The following SCAPER variants were observed in gnomAD, a reference collection of about 807,000 sequenced individuals.
SCAPER encodes S-phase cyclin A associated protein in the ER.
Under a neutral mutation model 182.2 loss-of-function variants are expected in SCAPER, and 98 were observed. That is an observed-to-expected ratio of 0.54 (90% confidence interval 0.46 to 0.64). The LOEUF (loss-of-function observed/expected upper bound fraction) is 0.64, where lower values mean the gene tolerates loss of function less well. Ranked by LOEUF, SCAPER falls within the 30% of genes least tolerant of loss-of-function variation. The probability of loss-of-function intolerance (pLI) is 0.00; values close to 1 mark genes in which losing one functional copy is unlikely to be tolerated. For missense variants in SCAPER, 1,432 were observed against 1,690.0 expected (o/e 0.85, Z 2.68); for synonymous variants, 605 against 564.6 (o/e 1.07, Z -1.01).
intron 21 of SCAPER, among the ~76,000 whole-genome samples, chr15:76,640,241 T>C (rs1474418568): frequency 2.0e-5 from 3 of 152,160 alleles, no homozygotes; most frequent in Non-Finnish European, 4.4e-5. Flanking sequence ...CCAATCAAAT[T>C]AATGATCTGA....
chr15:76,507,202 G>A (rs373934187), intron 23 of SCAPER, among the ~76,000 whole-genome samples: 5 of 152,140 alleles, frequency 3.3e-5, no homozygotes, highest in Admixed American at 1.3e-4. Context: ...TATGACTGGC[G>A]TTCTTATAAG....
intron 27 of SCAPER, among the ~76,000 whole-genome samples, chr15:76,395,004 T>C (rs1025676696): frequency 2.1e-5 from 3 of 142,908 alleles, no homozygotes; most frequent in Non-Finnish European, 4.6e-5. Context: ...ACCCACCCAC[T>C]ACCCTTCCCA....
At chr15:76,592,152 T>C (rs893893646) in intron 22 of SCAPER, among the ~76,000 whole-genome samples, 2 of 151,948 alleles carry the variant, frequency 1.3e-5, no homozygotes, top group African/African-American at 2.4e-5. Flanking sequence ...ATAGGTAATA[T>C]ATAGGTTATA....
intron 21 of SCAPER, among the ~76,000 whole-genome samples, chr15:76,637,901 C>T (rs2146335262): frequency 6.6e-6 from 1 of 151,418 alleles, no homozygotes; most frequent in African/African-American, 2.4e-5. Flanking sequence ...AGTGTCTTTT[C>T]AATAACATAC....
intron 22 of SCAPER, among the ~76,000 whole-genome samples, chr15:76,582,146 T>C (rs753561851): frequency 1.3e-5 from 2 of 152,138 alleles, no homozygotes; most frequent in Non-Finnish European, 2.9e-5. Context: ...GGCATCCAAA[T>C]TGAAAAATAA....
chr15:76,475,412 C>CGCCT (rs2050550269), intron 24 of SCAPER, among the ~76,000 whole-genome samples: 1 of 151,876 alleles, frequency 6.6e-6, no homozygotes, highest in Non-Finnish European at 1.5e-5. Context: ...CTGCAACCTC[C>CGCCT]GCCTCTTGGG....
intron 22 of SCAPER, among the ~76,000 whole-genome samples, chr15:76,577,790 C>T (rs569169564): frequency 2.2e-4 from 33 of 151,936 alleles, no homozygotes; most frequent in Admixed American, 5.9e-4. Flanking sequence ...GTGGTGGCTA[C>T]GGGGAGAGAC....
intron 2 of SCAPER, among the ~76,000 whole-genome samples, chr15:76,871,733 G>A (rs2072748999): frequency 6.6e-6 from 1 of 151,792 alleles, no homozygotes; most frequent in Admixed American, 6.6e-5. Context: ...TGGGACTACA[G>A]GCACACGCCA....
intron 22 of SCAPER, among the ~76,000 whole-genome samples, chr15:76,596,062 C>A (rs576563491): frequency 3.3e-5 from 4 of 120,290 alleles, no homozygotes; most frequent in African/African-American, 1.0e-4. Flanking sequence ...GACCACTAGC[C>A]AGACTAATAA....
chr15:76,498,552 T>C (rs1342540505), intron 24 of SCAPER: 3 of 152,224 alleles, frequency 2.0e-5, no homozygotes, highest in African/African-American at 4.8e-5. Flanking sequence ...AAAGGGGTTA[T>C]CATAGCTCTG....
At chr15:76,857,937 T>C (rs1455111377) in intron 3 of SCAPER, 58 bp from the exon 4 acceptor site, 5 of 1,186,092 alleles carry the variant, frequency 4.2e-6, no homozygotes, top group Non-Finnish European at 4.8e-6. Context: ...TAGTATAAAA[T>C]TGAACTACAG....
At chr15:76,474,177 G>A (rs1265351527) in intron 24 of SCAPER, among the ~76,000 whole-genome samples, 1 of 152,084 alleles carries the variant, frequency 6.6e-6, no homozygotes, top group Non-Finnish European at 1.5e-5. Flanking sequence ...TGGGAAATGG[G>A]GTAGGCTCCT....
At chr15:76,403,008 G>A (rs1420111579) in intron 27 of SCAPER, among the ~76,000 whole-genome samples, 2 of 152,176 alleles carry the variant, frequency 1.3e-5, no homozygotes, top group Admixed American at 6.5e-5. Context: ...GCTTATATTT[G>A]TGATATTGAT....
At chr15:76,882,602 G>A (rs887114583) in intron 2 of SCAPER, among the ~76,000 whole-genome samples, 4 of 152,196 alleles carry the variant, frequency 2.6e-5, no homozygotes, top group African/African-American at 4.8e-5. Context: ...TAGAACTGAG[G>A]AAGAGTATGA....
intron 25 of SCAPER, among the ~76,000 whole-genome samples, chr15:76,460,458 G>T (rs1327073604): frequency 6.6e-6 from 1 of 152,032 alleles, no homozygotes; most frequent in Non-Finnish European, 1.5e-5. Context: ...GTTTTTTGGT[G>T]GAGTCTGGGT....
At chr15:76,813,996 C>G (rs768681568) in intron 5 of SCAPER, among the ~76,000 whole-genome samples, 1 of 151,998 alleles carries the variant, frequency 6.6e-6, no homozygotes, top group Non-Finnish European at 1.5e-5. Context: ...GGTGAAACCC[C>G]GTCTCTACTA....
chr15:76,757,761 C>A (rs1015061578), intron 14 of SCAPER, among the ~76,000 whole-genome samples: 3 of 152,156 alleles, frequency 2.0e-5, no homozygotes, highest in Non-Finnish European at 4.4e-5. Flanking sequence ...CACATCCTCC[C>A]CAATACTTGC....
chr15:76,590,031 T>C (rs2048988551), intron 22 of SCAPER, among the ~76,000 whole-genome samples: 1 of 152,220 alleles, frequency 6.6e-6, no homozygotes, highest in Non-Finnish European at 1.5e-5. Context: ...GTATTTGGAC[T>C]GTCTCCCAGT....
chr15:76,607,578 G>C (rs1440630413), intron 22 of SCAPER, among the ~76,000 whole-genome samples: 2 of 152,106 alleles, frequency 1.3e-5, no homozygotes, highest in Non-Finnish European at 2.9e-5. Context: ...TGCTAGATTG[G>C]GGAAGTTCTC....
Sources: gnomAD v4.1 joint callset for allele counts (sites outside exome capture counted in the v4.1 genomes callset) on GRCh38, gnomAD v4.1.1 for gene constraint, MANE v1.5 for transcripts, NCBI Gene and HGNC (gene_info 2026-07-23, HGNC 2026-07-21) for gene names.